Variants in MRAS observed in about 807,000 individuals in gnomAD.
The protein encoded by MRAS is ras-related protein M-Ras.
Under a neutral mutation model 20.9 loss-of-function variants are expected in MRAS, and 4 were observed. The observed-to-expected ratio is 0.19, with a 90% CI of 0.09 to 0.44. The LOEUF is 0.44. Among genes scored for constraint, MRAS ranks in the 20% least tolerant of loss-of-function variants. The probability of loss-of-function intolerance (pLI) is 0.99; values close to 1 mark genes in which losing one functional copy is unlikely to be tolerated. For synonymous variants in MRAS, 98 were observed against 102.9 expected, an observed-to-expected ratio of 0.95 and a Z score of 0.29; for missense variants, 154 against 277.5, an observed-to-expected ratio of 0.56 and a Z score of 3.16.
At chr3:138,390,291 T>C (rs879558186) in intron 2 of MRAS, among the ~76,000 whole-genome samples, 5 of 152,170 alleles carry the variant, frequency 3.3e-5, no homozygotes, top group Admixed American at 2.0e-4. Flanking sequence ...GCAAAGCTGC[T>C]GGGTCCCTTG....
At chr3:138,398,694 C>A in intron 4 of MRAS, 126 bp downstream of exon 4, 1 of 777,612 alleles carries the variant, frequency 1.3e-6, no homozygotes. Flanking sequence ...TAGTTTAAGT[C>A]TTGTTGCTAC....
intron 2 of MRAS, among the ~76,000 whole-genome samples, chr3:138,386,154 C>T (rs1482525820): frequency 1.8e-5 from 1 of 54,500 alleles, no homozygotes; most frequent in Non-Finnish European, 3.3e-5. Flanking sequence ...TGTACAACCA[C>T]GTATTGCTGA....
chr3:138,374,064 A>T (rs194146), intron 2 of MRAS, among the ~76,000 whole-genome samples: 124,130 of 151,992 alleles, frequency 0.82, 50,810 homozygotes, highest in East Asian at 0.97. Flanking sequence ...GTTCAAGCAA[A>T]TCTCTTGCCT....
At chr3:138,358,323 C>T (rs1398487535) in intron 1 of MRAS, among the ~76,000 whole-genome samples, 1 of 92,010 alleles carries the variant, frequency 1.1e-5, no homozygotes, top group African/African-American at 3.7e-5. Context: ...GGCGACAGAA[C>T]AAGACTCTCT....
intron 2 of MRAS, among the ~76,000 whole-genome samples, chr3:138,385,742 T>C (rs748963434): frequency 6.6e-6 from 1 of 152,116 alleles, no homozygotes; most frequent in Non-Finnish European, 1.5e-5. Flanking sequence ...CTCGAACTCC[T>C]GACCTCAGGT....
intron 1 of MRAS, among the ~76,000 whole-genome samples, chr3:138,363,818 T>TCCCCCCCCCCCCCC (rs1460751105): frequency 1.5e-5 from 1 of 65,386 alleles, no homozygotes; most frequent in Non-Finnish European, 3.1e-5. Context: ...TTAGAGGATT[T>TCCCCCCCCCCCCCC]ACCCCCCCCC....
At chr3:138,398,679 C>G (rs543450140) in intron 4 of MRAS, 111 bp downstream of exon 4, 24 of 918,964 alleles carry the variant, frequency 2.6e-5, no homozygotes, top group Non-Finnish European at 4.1e-5. Flanking sequence ...TTGAAGGGCT[C>G]CCCTTAGTTT....
chr3:138,390,188 G>T (rs1458158191), intron 2 of MRAS, among the ~76,000 whole-genome samples: 1 of 152,104 alleles, frequency 6.6e-6, no homozygotes, highest in Non-Finnish European at 1.5e-5. Flanking sequence ...TCCTGCCTGG[G>T]ACTACATGCC....
chr3:138,400,673 A>G, intron 5 of MRAS, 60 bp downstream of exon 5: 1 of 1,413,096 alleles, frequency 7.1e-7, no homozygotes, highest in Non-Finnish European at 1.0e-6. Context: ...TCCTGGAGGC[A>G]GCTGGGAGCT....
chr3:138,404,356 A>C lies in MRAS; in HGVS notation c.*2087A>C, dbSNP rs1258540837. The C allele has an allele frequency of 6.6e-6, 1 of 152,232 alleles. No individual in the cohort carries two copies. The highest frequency in any genetic ancestry group is 1.5e-5 in the Non-Finnish European group (1 of 68,086). The allele number at this position is 152,232 out of a possible 1,614,324, so 9.4% of individuals were successfully genotyped here. On this transcript the variant is annotated 3_prime_UTR_variant, in exon 6 of 6. Coordinates refer to ENST00000423968, the MANE Select transcript of MRAS (RefSeq NM_001085049.3). ...CACAGCCAGAAAACTCCTGCTGGGC[A>C]CCAACCACTACGAGCATACCCCATG...
chr3:138,397,118 C>T (rs552892050), intron 2 of MRAS, among the ~76,000 whole-genome samples: 21 of 152,258 alleles, frequency 1.4e-4, no homozygotes, highest in South Asian at 8.3e-4. Context: ...TGAGTCAGAG[C>T]CTCACCCTGA....
At chr3:138,362,680 A>T (rs2054473898) in intron 1 of MRAS, among the ~76,000 whole-genome samples, 1 of 152,134 alleles carries the variant, frequency 6.6e-6, no homozygotes, top group Non-Finnish European at 1.5e-5. Flanking sequence ...GGCCTCCAGC[A>T]CATGTGAGGC....
At chr3:138,368,635 T>G (rs556169549) in intron 1 of MRAS, among the ~76,000 whole-genome samples, 1 of 152,224 alleles carries the variant, frequency 6.6e-6, no homozygotes, top group East Asian at 1.9e-4. Context: ...AGTGAAGACC[T>G]AACATCCTAG....
At chr3:138,373,932 A>G (rs979225779) in intron 2 of MRAS, among the ~76,000 whole-genome samples, 1 of 143,086 alleles carries the variant, frequency 7.0e-6, no homozygotes, top group African/African-American at 2.6e-5. Context: ...TTCTCTTGTC[A>G]GTTTTATTTG....
intron 1 of MRAS, among the ~76,000 whole-genome samples, chr3:138,364,350 T>TTTG: frequency 6.6e-6 from 1 of 152,200 alleles, no homozygotes; most frequent in Admixed American, 6.5e-5. Context: ...CAACTTGATT[T>TTTG]TTGTTGAACA....
chr3:138,398,005 A>G lies in MRAS; in HGVS notation c.348-464A>G, dbSNP rs561659415. Among the ~76,000 whole-genome samples the G allele has an allele frequency of 1.1e-4, 16 of 152,340 alleles. No individual in the cohort carries two copies. In the South Asian group the frequency reaches 2.1e-3, roughly 20 times the overall value. On this transcript the variant is annotated intron_variant, in intron 3 of 5. Transcript: ENST00000423968. Reference sequence around the variant, plus strand: ...TAATTTTTTAAAATGGAAATACCCAATGCTGCCAAATACTCAATGCTGCGG... The same window carrying G: ...TAATTTTTTAAAATGGAAATACCCAGTGCTGCCAAATACTCAATGCTGCGG...
chr3:138,393,352 T>TACTGC (rs1184419693), intron 2 of MRAS, among the ~76,000 whole-genome samples: 53 of 152,190 alleles, frequency 3.5e-4, no homozygotes, highest in Admixed American at 3.3e-3. Context: ...GGCTTGAACT[T>TACTGC]ACTGCACTGG....
intron 1 of MRAS, among the ~76,000 whole-genome samples, chr3:138,370,769 G>A (rs2054658595): frequency 6.6e-6 from 1 of 152,144 alleles, no homozygotes. Flanking sequence ...CAAATATAAT[G>A]CATGCTTGTT....
intron 1 of MRAS, among the ~76,000 whole-genome samples, chr3:138,356,101 C>T (rs1454146882): frequency 6.6e-6 from 1 of 152,218 alleles, no homozygotes; most frequent in Non-Finnish European, 1.5e-5. Flanking sequence ...ATTATACAAC[C>T]AGTGCCTATG....
Sources: gnomAD v4.1 joint callset for allele counts (sites outside exome capture counted in the v4.1 genomes callset) on GRCh38, gnomAD v4.1.1 for gene constraint, MANE v1.5 for transcripts, NCBI Gene and HGNC (gene_info 2026-07-23, HGNC 2026-07-21) for gene names.